The following ARHGEF10 variants were observed in gnomAD, a reference collection of about 807,000 sequenced individuals.
ARHGEF10 encodes the protein Rho guanine nucleotide exchange factor 10, also known as Rho guanine nucleotide exchange factor (GEF) 10.
A neutral mutation model predicts 147.4 loss-of-function variants in ARHGEF10; 140 were observed. That is an observed-to-expected ratio of 0.95 (90% CI 0.83 to 1.09). The LOEUF is 1.09. Ranked by LOEUF, ARHGEF10 falls within the 50% of genes least tolerant of loss-of-function variation. The pLI, the probability that ARHGEF10 is intolerant of heterozygous loss-of-function variation, is 0.00. For missense variants in ARHGEF10, 2,222 were observed against 1,752.7 expected (o/e 1.27, Z -4.78); for synonymous variants, 902 against 695.8 (o/e 1.30, Z -4.67).
At chr8:1,849,977 G>T (rs1334290055) in intron 2 of ARHGEF10, among the ~76,000 whole-genome samples, 10 of 83,924 alleles carry the variant, frequency 1.2e-4, no homozygotes, top group South Asian at 4.3e-4. Flanking sequence ...GCGTGGGCCG[G>T]CTGCATGGAC....
intron 6 of ARHGEF10, among the ~76,000 whole-genome samples, chr8:1,868,732 A>C (rs936888326): frequency 1.3e-4 from 20 of 152,172 alleles, no homozygotes; most frequent in African/African-American, 4.6e-4. Context: ...TCCAGCACTG[A>C]TGGGCTCTTT....
intron 28 of ARHGEF10, among the ~76,000 whole-genome samples, chr8:1,954,235 A>G (rs1815298473): frequency 6.6e-6 from 1 of 152,088 alleles, no homozygotes; most frequent in Non-Finnish European, 1.5e-5. Context: ...CTGGGATTAC[A>G]GGCACCAGCC....
chr8:1,869,139 A>G (rs2129092598), intron 6 of ARHGEF10, 55 bp from the exon 7 acceptor site: 29 of 1,511,060 alleles, frequency 1.9e-5, no homozygotes, highest in Non-Finnish European at 2.7e-5. Context: ...TAAAATTTAA[A>G]TTGCACTAGG....
chr8:1,940,143 C>T (rs935169956), intron 26 of ARHGEF10, among the ~76,000 whole-genome samples: 2 of 152,116 alleles, frequency 1.3e-5, no homozygotes, highest in African/African-American at 4.8e-5. Flanking sequence ...GAGTCAAAAG[C>T]CCGAGGAAAG....
intron 1 of ARHGEF10, among the ~76,000 whole-genome samples, chr8:1,838,572 G>T (rs563522660): frequency 4.6e-5 from 7 of 152,270 alleles, no homozygotes; most frequent in Non-Finnish European, 1.0e-4. Context: ...AAAGAGCCAC[G>T]CACTCTTCAG....
chr8:1,957,406 T>A lies in ARHGEF10; in HGVS notation c.*143T>A. ...TTTGGGGGAGAAACGTGCAATAGCG[T>A]AATGGTGGTGTCCCTGCCAATTCCT... On this transcript the variant is annotated 3_prime_UTR_variant, in exon 29 of 29. Transcript: ENST00000349830. 8.4e-7 allele frequency: 1 copy of A among 1,188,214 alleles called. No individual in the cohort carries two copies. The highest frequency in any genetic ancestry group is 1.5e-5 in the African/African-American group (1 of 66,260). The allele number at this position is 1,188,214 out of a possible 1,614,324, so 73.6% of individuals were successfully genotyped here.
intron 27 of ARHGEF10, among the ~76,000 whole-genome samples, chr8:1,946,734 A>G (rs890901160): frequency 2.6e-5 from 4 of 152,130 alleles, no homozygotes; most frequent in Admixed American, 2.6e-4. Flanking sequence ...AAAAACCACA[A>G]TGATTAGGGG....
At chr8:1,876,482 T>G in intron 7 of ARHGEF10, 89 bp from the exon 8 acceptor site, 1 of 1,334,434 alleles carries the variant, frequency 7.5e-7, no homozygotes, top group East Asian at 2.3e-5. Flanking sequence ...CCCCCAGCTC[T>G]AGATGATTTG....
intron 1 of ARHGEF10, among the ~76,000 whole-genome samples, chr8:1,832,210 C>T (rs987507745): frequency 3.4e-5 from 5 of 146,658 alleles, no homozygotes; most frequent in African/African-American, 5.2e-5. Flanking sequence ...AGGGATGGAG[C>T]GTCCGTAGAT....
chr8:1,908,915 A>T (rs1811131184), intron 17 of ARHGEF10, among the ~76,000 whole-genome samples: 1 of 152,208 alleles, frequency 6.6e-6, no homozygotes, highest in Non-Finnish European at 1.5e-5. Flanking sequence ...GCAATTTGAG[A>T]GTTAACTCTT....
Position 1,859,917 on chromosome 8 carries a change from G to C in ARHGEF10, c.214G>C (p.Ala72Pro). ...CCCAGGAGGTGAGGATGGAGCTGGA[G>C]CAGAAACCACCCCAGTGGCAGAGCC... is the stretch of plus-strand genomic sequence containing the variant. ...APTGGEDGAG[A>P]ETTPVAEPTK... The change falls in exon 4 of 29, where the codon GCA becomes CCA. Residue 72 changes from alanine (A) to proline (P), a missense_variant. Physicochemically the swap from Ala to Pro is conservative, Grantham distance 27 (BLOSUM62 -1). Transcript: ENST00000349830. 1.9e-6 allele frequency: 3 copies of C among 1,614,158 alleles called. No homozygotes were observed. The highest frequency in any genetic ancestry group is 2.5e-6 in the Non-Finnish European group (3 of 1,180,018).
upstream of ARHGEF10, among the ~76,000 whole-genome samples, chr8:1,823,789 CGTGGCCT>C (rs1374867260): frequency 1.3e-5 from 2 of 151,678 alleles, no homozygotes; most frequent in Non-Finnish European, 2.9e-5. Context: ...CGGGCGGCCA[CGTGGCCT>C]CGAAGGAATG....
chr8:1,869,495 G>T, intron 7 of ARHGEF10: 1 of 624,080 alleles, frequency 1.6e-6, no homozygotes, highest in Non-Finnish European at 2.9e-6. Flanking sequence ...AGGAGTAAAG[G>T]TACAGAAAAT....
intron 18 of ARHGEF10, among the ~76,000 whole-genome samples, chr8:1,913,788 G>T (rs1178875077): frequency 6.6e-6 from 1 of 152,262 alleles, no homozygotes; most frequent in African/African-American, 2.4e-5. Context: ...AGTGCCAGGA[G>T]TGCTTCTGTA....
intron 7 of ARHGEF10, among the ~76,000 whole-genome samples, chr8:1,874,810 C>G (rs891926407): frequency 4.8e-5 from 7 of 147,280 alleles, no homozygotes; most frequent in African/African-American, 1.8e-4. Flanking sequence ...CTAAGACAGG[C>G]TGGAGGAACA....
chr8:1,949,115 A>G (rs1339376787), intron 27 of ARHGEF10, among the ~76,000 whole-genome samples: 1 of 152,114 alleles, frequency 6.6e-6, no homozygotes, highest in Non-Finnish European at 1.5e-5. Context: ...GCAAATGAAG[A>G]CTTGCCAAGC....
chr8:1,928,563 G>A lies in ARHGEF10; in HGVS notation c.2834G>A (p.Arg945Lys). 6.2e-7 allele frequency: 1 copy of A among 1,614,260 alleles called. No homozygotes were observed. Residue 945 changes from arginine (R) to lysine (K), a missense_variant, in exon 24 of 29, where the codon AGA becomes AAA. Arg to Lys is a conservative substitution (Grantham distance 26). Coordinates refer to ENST00000349830, the MANE Select transcript of ARHGEF10 (RefSeq NM_014629.4). Reference protein sequence around the residue: ...MLYVPVEEKRREPGAPPDPET... With the variant: ...MLYVPVEEKRKEPGAPPDPET... ...TACGTTCCCGTCGAGGAGAAGCGCA[G>A]AGAGCCTGGGGCACCCCCGGACCCC...
intron 14 of ARHGEF10, among the ~76,000 whole-genome samples, chr8:1,897,400 TC>T (rs1810071369): frequency 6.7e-6 from 1 of 150,298 alleles, no homozygotes; most frequent in Admixed American, 6.6e-5. Context: ...CAGTTCCCCC[TC>T]TGGACAGCTG....
In ARHGEF10 at chr8:1,863,260, C is replaced by G. The variant is rs77815092; in HGVS notation, c.482-1113C>G. ...GGGATTTGCAGCGCTACCCGCAGAT[C>G]CACCCCCCCAGCCCCTCGGGCATCT... On this transcript the variant is annotated intron_variant, in intron 4 of 28. Transcript: ENST00000349830. Among the ~76,000 whole-genome samples the G allele has an allele frequency of 5.9e-3, 898 of 152,284 alleles. 61 individuals carry two copies. In the East Asian group the frequency reaches 0.14, roughly 24 times the overall value.
Sources: gnomAD v4.1 joint callset for allele counts (sites outside exome capture counted in the v4.1 genomes callset) on GRCh38, gnomAD v4.1.1 for gene constraint, MANE v1.5 for transcripts, NCBI Gene and HGNC (gene_info 2026-07-23, HGNC 2026-07-21) for gene names.